Variants in TTC3 observed in about 807,000 individuals in gnomAD.
The protein encoded by TTC3 is E3 ubiquitin-protein ligase TTC3.
In TTC3, 180 loss-of-function variants were observed where a neutral mutation model predicts 249.6. That is an observed-to-expected ratio of 0.72 (90% CI 0.64 to 0.82). The LOEUF is 0.82. Among genes scored for constraint, TTC3 ranks in the 40% least tolerant of loss-of-function variants. The probability of loss-of-function intolerance (pLI) is 0.00; values close to 1 mark genes in which losing one functional copy is unlikely to be tolerated. For missense variants in TTC3, 2,061 were observed against 2,398.4 expected (o/e 0.86, Z 2.94); for synonymous variants, 717 against 805.0 (o/e 0.89, Z 1.85).
At chr21:37,200,179 C>A in intron 44 of TTC3, 53 bp from the exon 45 acceptor site, 1 of 1,550,438 alleles carries the variant, frequency 6.4e-7, no homozygotes, top group Non-Finnish European at 8.8e-7. Flanking sequence ...GAACTCGTGT[C>A]ATAAAAACAA....
Position 37,123,231 on chromosome 21 carries a change from CATATAG to C in TTC3, c.1109+209_1109+214del, listed in dbSNP as rs975268608. Among the ~76,000 whole-genome samples, 13 of 152,212 alleles carry C rather than the reference CATATAG, an allele frequency of 8.5e-5. No homozygotes were observed. In the South Asian group the frequency reaches 2.5e-3, roughly 29 times the overall value. ...GATTTATTTCGCTGTTTTAGTGAACCATATAGATATAAGCTCAGTAGCCTAATCCTG... is the reference window on the plus strand; with the variant it reads ...GATTTATTTCGCTGTTTTAGTGAACCATATAAGCTCAGTAGCCTAATCCTG... On this transcript the variant is annotated intron_variant, in intron 13 of 45. Coordinates refer to ENST00000355666, the Ensembl canonical transcript of TTC3.
At chr21:37,099,789 A>G (rs964348967) in intron 10 of TTC3, among the ~76,000 whole-genome samples, 2 of 152,236 alleles carry the variant, frequency 1.3e-5, no homozygotes, top group Non-Finnish European at 2.9e-5. Flanking sequence ...CTAGGCTCAT[A>G]TCCTCTGAAC....
chr21:37,132,336 T>C (rs1044879428), intron 16 of TTC3, among the ~76,000 whole-genome samples: 5 of 45,686 alleles, frequency 1.1e-4, no homozygotes, highest in African/African-American at 1.8e-4. Context: ...ATTTTTTTTC[T>C]TTTTTTTTTT....
chr21:37,084,996 C>CAAACAAAA (rs1418545127), intron 1 of TTC3, among the ~76,000 whole-genome samples: 1 of 151,920 alleles, frequency 6.6e-6, no homozygotes, highest in Non-Finnish European at 1.5e-5. Context: ...GTGTCTCAAA[C>CAAACAAAA]AAACAAACAA....
chr21:37,152,946 C>A lies in TTC3; in HGVS notation c.2414-5C>A, dbSNP rs2079623373. 1 of 1,566,028 alleles carries A rather than the reference C, an allele frequency of 6.4e-7. No individual in the cohort carries two copies. Among genetic ancestry groups the A allele is most frequent in the Non-Finnish European group, 8.6e-7 (1 of 1,156,424 alleles). On this transcript the variant is annotated splice_polypyrimidine_tract_variant and splice_region_variant and intron_variant, in intron 26 of 45. Transcript: ENST00000355666. ...ATCACTTTAACCATTGTTATTTATC[C>A]TTAGAAACTGTAGACAATGTTCAGC...
chr21:37,121,721 A>G, intron 11 of TTC3, 96 bp from the exon 12 acceptor site: 1 of 1,164,852 alleles, frequency 8.6e-7, no homozygotes, highest in South Asian at 2.0e-5. Context: ...TATTTTAAGT[A>G]ATGAATCAGT....
intron 28 of TTC3, chr21:37,158,327 C>G: frequency 1.2e-5 from 6 of 502,794 alleles, no homozygotes; most frequent in Non-Finnish European, 1.5e-5. Context: ...CTTGTGTTCT[C>G]TACATATAAT....
chr21:37,170,091 A>G (rs1397184154), intron 34 of TTC3, among the ~76,000 whole-genome samples: 2 of 152,200 alleles, frequency 1.3e-5, no homozygotes, highest in Non-Finnish European at 2.9e-5. Flanking sequence ...ACAGCATGGG[A>G]AAAAAGAATG....
intron 39 of TTC3, 30 bp downstream of exon 39, chr21:37,188,625 C>T (rs372151965): frequency 3.0e-5 from 46 of 1,558,114 alleles, no homozygotes; most frequent in Non-Finnish European, 3.6e-5. Flanking sequence ...GTTCTCAGCA[C>T]GTCATTTAGA....
At chr21:37,180,640 T>C (rs1390281588) in intron 35 of TTC3, among the ~76,000 whole-genome samples, 2 of 144,046 alleles carry the variant, frequency 1.4e-5, no homozygotes, top group African/African-American at 5.1e-5. Context: ...GGGATAGCAT[T>C]GGGAGATATA....
intron 10 of TTC3, among the ~76,000 whole-genome samples, chr21:37,101,677 T>G (rs761915714): frequency 1.1e-4 from 16 of 152,266 alleles, no homozygotes; most frequent in Middle Eastern, 6.8e-3. Context: ...ATTGCCATTT[T>G]TGTAAGTCAG....
At chr21:37,193,958 G>A (rs1312045166) in intron 41 of TTC3, 1 of 152,256 alleles carries the variant, frequency 6.6e-6, no homozygotes, top group Non-Finnish European at 1.5e-5. Flanking sequence ...ACCAGACAAA[G>A]GAGTGAGAGG....
chr21:37,199,882 A>G (rs1446299132), intron 44 of TTC3, among the ~76,000 whole-genome samples: 1 of 152,064 alleles, frequency 6.6e-6, no homozygotes, highest in East Asian at 1.9e-4. Flanking sequence ...GGAATTTACT[A>G]CCCTCAACTG....
In TTC3 at chr21:37,176,023, G is replaced by A. The variant is rs557534295; in HGVS notation, c.4617+3279G>A. ...TGACCTCCTGTGATCCTCCCACCTC[G>A]GCTTCCCAAAGTGCTGGGAAGGCAC... On this transcript the variant is annotated intron_variant, in intron 35 of 45. Transcript: ENST00000355666. 7.5e-4 allele frequency among the ~76,000 whole-genome samples: 114 copies of A among 152,156 alleles called. 1 individual carries two copies. The highest frequency in any genetic ancestry group is 2.3e-3 in the African/African-American group (95 of 41,518).
At chr21:37,158,459 C>T (rs973869825) in intron 28 of TTC3, among the ~76,000 whole-genome samples, 2 of 152,186 alleles carry the variant, frequency 1.3e-5, no homozygotes, top group African/African-American at 4.8e-5. Context: ...CCACCTTCAC[C>T]CCAAACATTT....
chr21:37,159,011 T>G (rs1198632354), intron 28 of TTC3, among the ~76,000 whole-genome samples: 1 of 152,184 alleles, frequency 6.6e-6, no homozygotes, highest in Admixed American at 6.5e-5. Context: ...CTGTCTAACA[T>G]TCTGTTAACT....
chr21:37,106,511 AG>A (rs2075090236), intron 10 of TTC3, among the ~76,000 whole-genome samples: 2 of 152,158 alleles, frequency 1.3e-5, no homozygotes, highest in Non-Finnish European at 2.9e-5. Context: ...TTTCATCTAA[AG>A]GTTTAATTGT....
At chr21:37,117,165 T>C (rs1169702781) in intron 11 of TTC3, among the ~76,000 whole-genome samples, 1 of 152,194 alleles carries the variant, frequency 6.6e-6, no homozygotes, top group Non-Finnish European at 1.5e-5. Context: ...TTTCTTCGCT[T>C]TTCCCCCAAA....
intron 28 of TTC3, chr21:37,158,029 A>T: frequency 1.6e-6 from 1 of 626,568 alleles, no homozygotes; most frequent in Non-Finnish European, 2.0e-6. Flanking sequence ...GGTGTCACAG[A>T]TGATAAAGTT....
Sources: gnomAD v4.1 joint callset for allele counts (sites outside exome capture counted in the v4.1 genomes callset) on GRCh38, gnomAD v4.1.1 for gene constraint, MANE v1.5 for transcripts, NCBI Gene and HGNC (gene_info 2026-07-23, HGNC 2026-07-21) for gene names.